The following RAB40A variants were observed in gnomAD, a reference collection of about 807,000 sequenced individuals.
RAB40A encodes the protein ras-related protein Rab-40A.
For synonymous variants in RAB40A, 65 were observed against 99.9 expected (o/e 0.65, Z 2.08); for missense variants, 145 against 230.2 (o/e 0.63, Z 2.40).
intron 2 of RAB40A, among the ~76,000 whole-genome samples, chrX:103,512,245 A>G (rs2073294382): frequency 8.9e-6 from 1 of 111,764 alleles, no homozygotes; most frequent in South Asian, 3.7e-4. Context: ...TTTAAGCCAC[A>G]AGTTTGTGGT....
At chrX:103,493,514 C>T in the RAB40A span, among the ~76,000 whole-genome samples, 1 of 111,166 alleles carries the variant, frequency 9.0e-6, no homozygotes, top group African/African-American at 3.3e-5. Flanking sequence ...CTACCAAGTA[C>T]TAGGTCTTAT....
At chrX:103,512,847 T>C (rs73633875) in intron 2 of RAB40A, among the ~76,000 whole-genome samples, 7,881 of 111,730 alleles carry the variant, frequency 0.071, 716 homozygotes, top group African/African-American at 0.25. Flanking sequence ...AATTTTAAGG[T>C]TTTTTAAAGA....
Position 103,499,689 on chromosome X carries a change from C to A in RAB40A, c.*234G>T. ...GAGTTGAGCAAAGTACTAATTTCCC[C>A]TTTATAAACACACGTTTAAAACAAG... On this transcript the variant is annotated 3_prime_UTR_variant, in exon 3 of 3. Coordinates refer to ENST00000304236, the MANE Select transcript of RAB40A (RefSeq NM_080879.3). 1 of 456,872 alleles carries A rather than the reference C, an allele frequency of 2.2e-6. No individual in the cohort carries two copies. Among genetic ancestry groups the A allele is most frequent in the South Asian group, 3.4e-5 (1 of 29,279 alleles). The allele number at this position is 456,872 out of a possible 1,213,427, so 37.7% of individuals were successfully genotyped here.
chrX:103,507,192 A>G (rs2073260128), intron 2 of RAB40A, among the ~76,000 whole-genome samples: 1 of 111,389 alleles, frequency 9.0e-6, no homozygotes, highest in African/African-American at 3.3e-5. Flanking sequence ...AGCTTCATCC[A>G]TGTCCCTGGA....
At chrX:103,497,710 C>T (rs937607546), downstream of RAB40A, 2 of 111,788 alleles carry the variant, frequency 1.8e-5, no homozygotes, top group African/African-American at 6.5e-5. Context: ...CTTAAAAAGA[C>T]TCCAGCTCTT....
intron 2 of RAB40A, among the ~76,000 whole-genome samples, chrX:103,505,902 A>C (rs1343251300): frequency 1.8e-5 from 2 of 111,937 alleles, no homozygotes; most frequent in Non-Finnish European, 3.8e-5. Context: ...TTAGACTGAC[A>C]ATCTACCTGA....
At chrX:103,494,885 G>A (rs530114810), downstream of RAB40A, among the ~76,000 whole-genome samples, 149 of 111,695 alleles carry the variant, frequency 1.3e-3, no homozygotes, top group Non-Finnish European at 2.2e-3. Flanking sequence ...GCTCAAGATA[G>A]CTTTGGGAAT....
In RAB40A at chrX:103,506,137, T is replaced by A. The variant is rs754739781; in HGVS notation, c.-70-5311A>T. On this transcript the variant is annotated intron_variant, in intron 2 of 2. Transcript: ENST00000304236. ...TTTCTTTAGATCTCAATTAAAAAAA[T>A]TTTTAATAGCTTCAGGAGTACAAGT... Among the ~76,000 whole-genome samples the A allele has an allele frequency of 5.7e-3, 636 of 111,650 alleles. 3 individuals carry two copies. The highest frequency in any genetic ancestry group is 9.2e-3 in the Non-Finnish European group (489 of 53,133).
intron 2 of RAB40A, chrX:103,501,964 C>T (rs1426295133): frequency 8.1e-6 from 1 of 122,874 alleles, no homozygotes. Context: ...GTAACTACAA[C>T]AGGTACAAAG....
At chrX:103,503,209 C>T in intron 2 of RAB40A, 4 of 752,867 alleles carry the variant, frequency 5.3e-6, no homozygotes, top group East Asian at 1.5e-4. Context: ...AAAACATATG[C>T]GCCAGGGCAT....
downstream of RAB40A, among the ~76,000 whole-genome samples, chrX:103,497,014 G>A (rs1182984882): frequency 9.0e-6 from 1 of 111,604 alleles, no homozygotes; most frequent in Non-Finnish European, 1.9e-5. Context: ...TGAGGAATGA[G>A]GACTGAGGTG....
downstream of RAB40A, among the ~76,000 whole-genome samples, chrX:103,496,685 T>A (rs1280021031): frequency 2.7e-5 from 3 of 112,657 alleles, no homozygotes; most frequent in Admixed American, 2.8e-4. Flanking sequence ...AAATTCCTTT[T>A]ATTGAAGCAA....
At chrX:103,516,912 T>G (rs1288549076) in intron 2 of RAB40A, among the ~76,000 whole-genome samples, 12 of 111,736 alleles carry the variant, frequency 1.1e-4, no homozygotes, top group Non-Finnish European at 1.5e-4. Flanking sequence ...GTATAAGATA[T>G]AATCTAACTT....
rs959006558 is a variant in RAB40A, at chrX:103,499,192, T to G, written c.*731A>C. 2.5e-5 allele frequency: 3 copies of G among 119,321 alleles called. No homozygotes were observed. The highest frequency in any genetic ancestry group is 9.7e-5 in the African/African-American group (3 of 30,988). 9.8% of individuals were successfully genotyped at this position (119,321 alleles called of 1,213,427 possible). The stretch of plus-strand genomic sequence containing the variant: ...GTATTTCATTCCTTACTGAAATGGT[T>G]TTTTCTTATTGATCCATTGAAACCA... On this transcript the variant is annotated 3_prime_UTR_variant, in exon 3 of 3. Coordinates refer to ENST00000304236, the MANE Select transcript of RAB40A (RefSeq NM_080879.3).
intron 2 of RAB40A, among the ~76,000 whole-genome samples, chrX:103,505,486 C>T: frequency 8.9e-6 from 1 of 111,961 alleles, no homozygotes; most frequent in East Asian, 2.8e-4. Flanking sequence ...GTTCTATTTG[C>T]CCCTTACTCT....
the RAB40A span, among the ~76,000 whole-genome samples, chrX:103,493,940 G>A: frequency 8.9e-6 from 1 of 112,058 alleles, no homozygotes. Flanking sequence ...TTTCTTTTGG[G>A]TATATACCCA....
At chrX:103,507,268 G>A (rs759189671) in intron 2 of RAB40A, among the ~76,000 whole-genome samples, 122 of 111,698 alleles carry the variant, frequency 1.1e-3, no homozygotes, top group South Asian at 2.2e-3. Flanking sequence ...TATTGTTCAT[G>A]TATTTACTTA....
Position 103,499,257 on chromosome X carries a change from T to A in RAB40A, c.*666A>T, listed in dbSNP as rs1454942354. ...AACATAACTAGAGATATCTTTGGTG[T>A]TTTCCTCCCTTAGCTTCATATCTTG... On this transcript the variant is annotated 3_prime_UTR_variant, in exon 3 of 3. Transcript: ENST00000304236. The A allele has an allele frequency of 8.2e-6, 1 of 121,294 alleles. No homozygotes were observed. The highest frequency in any genetic ancestry group is 1.9e-5 in the Non-Finnish European group (1 of 53,785). 10.0% of individuals were successfully genotyped at this position (121,294 alleles called of 1,213,427 possible). A position where few individuals can be genotyped will look rare whatever the true frequency, so the allele number is the denominator to read the frequency against.
chrX:103,495,485 T>C (rs1227599584), downstream of RAB40A, among the ~76,000 whole-genome samples: 1 of 111,382 alleles, frequency 9.0e-6, no homozygotes, highest in Non-Finnish European at 1.9e-5. Context: ...CCCATCCTGC[T>C]TGAATGCAGT....
Sources: allele counts gnomAD v4.1 joint callset (sites outside exome capture counted in the v4.1 genomes callset), GRCh38; gene constraint gnomAD v4.1.1; transcripts MANE v1.5; gene names NCBI Gene and HGNC (gene_info 2026-07-23, HGNC 2026-07-21).